The following GPC6 variants were observed in gnomAD, a reference collection of about 807,000 sequenced individuals.
GPC6 encodes glypican 6.
In GPC6, 14 loss-of-function variants were observed where a neutral mutation model predicts 55.2. That is an observed-to-expected ratio of 0.25 (90% confidence interval 0.17 to 0.40). The LOEUF is 0.40. Ranked by LOEUF, GPC6 falls within the 10% of genes least tolerant of loss-of-function variation. GPC6 has a pLI of 1.00. For synonymous variants in GPC6, 278 were observed against 259.6 expected, an observed-to-expected ratio of 1.07 and a Z score of -0.68; for missense variants, 641 against 708.5, an observed-to-expected ratio of 0.90 and a Z score of 1.08.
At chr13:93,474,330 G>A (rs1879228579) in intron 1 of GPC6, among the ~76,000 whole-genome samples, 1 of 152,134 alleles carries the variant, frequency 6.6e-6, no homozygotes, top group Non-Finnish European at 1.5e-5. Context: ...GTGCTGAATA[G>A]GATCAAGTCT....
At chr13:93,235,112 T>C (rs148109508) in intron 1 of GPC6, among the ~76,000 whole-genome samples, 153 of 152,298 alleles carry the variant, frequency 1.0e-3, no homozygotes, top group African/African-American at 3.6e-3. Flanking sequence ...GCTACTGACA[T>C]AGCATTGTTT....
chr13:93,741,579 C>T (rs1436669220), intron 2 of GPC6, among the ~76,000 whole-genome samples: 7 of 152,108 alleles, frequency 4.6e-5, no homozygotes, highest in Admixed American at 1.3e-4. Context: ...CTTCCTTAGA[C>T]GTAATATAGA....
At chr13:93,461,307 A>G (rs1047318900) in intron 1 of GPC6, among the ~76,000 whole-genome samples, 2 of 152,192 alleles carry the variant, frequency 1.3e-5, no homozygotes, top group Non-Finnish European at 2.9e-5. Flanking sequence ...TTATTTAGGA[A>G]TATGGTTTTC....
intron 3 of GPC6, among the ~76,000 whole-genome samples, chr13:93,908,559 A>G (rs191890781): frequency 6.6e-6 from 1 of 152,306 alleles, no homozygotes; most frequent in Admixed American, 6.5e-5. Flanking sequence ...AACAATGATG[A>G]TGACTTAGAT....
chr13:93,976,330 TTTG>T (rs1476918141), intron 3 of GPC6, among the ~76,000 whole-genome samples: 2 of 152,100 alleles, frequency 1.3e-5, no homozygotes, highest in African/African-American at 2.4e-5. Context: ...GACTTATTGG[TTTG>T]TTGTTGTTTA....
At chr13:94,370,972 T>A (rs930181940) in intron 6 of GPC6, among the ~76,000 whole-genome samples, 3 of 152,228 alleles carry the variant, frequency 2.0e-5, no homozygotes, top group Non-Finnish European at 4.4e-5. Flanking sequence ...GCTTGCTTTG[T>A]TTGAAATGAA....
At chr13:94,288,954 T>TAGATAGATAG (rs1193101187) in intron 5 of GPC6, among the ~76,000 whole-genome samples, 1 of 92,620 alleles carries the variant, frequency 1.1e-5, no homozygotes, top group Non-Finnish European at 2.2e-5. Flanking sequence ...TAGATAGATA[T>TAGATAGATAG]ATAGATAGAT....
intron 3 of GPC6, among the ~76,000 whole-genome samples, chr13:94,010,423 T>A (rs1882199039): frequency 6.6e-6 from 1 of 152,160 alleles, no homozygotes; most frequent in African/African-American, 2.4e-5. Context: ...AAAGTGGTAT[T>A]CCTTTAGAAG....
intron 4 of GPC6, among the ~76,000 whole-genome samples, chr13:94,200,736 C>A (rs1167552781): frequency 6.6e-6 from 1 of 152,280 alleles, no homozygotes; most frequent in Middle Eastern, 3.4e-3. Flanking sequence ...CTACAGCATT[C>A]TTTGTATAGG....
chr13:93,516,791 C>T (rs1317400537), intron 1 of GPC6, among the ~76,000 whole-genome samples: 2 of 152,036 alleles, frequency 1.3e-5, no homozygotes, highest in East Asian at 3.9e-4. Flanking sequence ...GCTTAGCTGC[C>T]TGTGGGCTCC....
Position 94,145,675 on chromosome 13 carries a change from C to A in GPC6, c.877+117781C>A, listed in dbSNP as rs111987749. ...TTCAGTAAACTGTTATGACGTGTTC[C>A]CATAAATGTGTGAACTTTTCCAAGT... On this transcript the variant is annotated intron_variant, in intron 4 of 8. Coordinates refer to ENST00000377047, the MANE Select transcript of GPC6 (RefSeq NM_005708.5). 3.2e-4 allele frequency among the ~76,000 whole-genome samples: 49 copies of A among 152,160 alleles called. 1 individual carries two copies. Among genetic ancestry groups the A allele is most frequent in the African/African-American group, 9.4e-4 (39 of 41,518 alleles).
chr13:93,952,554 G>C (rs1033791553), intron 3 of GPC6, among the ~76,000 whole-genome samples: 1 of 151,596 alleles, frequency 6.6e-6, no homozygotes, highest in Admixed American at 6.6e-5. Context: ...TTTTATTTTT[G>C]AACTCCAGCA....
chr13:93,589,710 C>T (rs1594291816), intron 2 of GPC6, among the ~76,000 whole-genome samples: 1 of 152,128 alleles, frequency 6.6e-6, no homozygotes, highest in Non-Finnish European at 1.5e-5. Flanking sequence ...CCATTTGACC[C>T]TTTGATTAGT....
intron 3 of GPC6, among the ~76,000 whole-genome samples, chr13:94,012,275 G>T (rs1166735554): frequency 6.6e-6 from 1 of 151,798 alleles, no homozygotes; most frequent in African/African-American, 2.4e-5. Flanking sequence ...CTCCTTCTTT[G>T]AGGCTTTTCA....
intron 4 of GPC6, among the ~76,000 whole-genome samples, chr13:94,113,182 A>G (rs1886311754): frequency 6.6e-6 from 1 of 152,094 alleles, no homozygotes. Context: ...TTAACCTAAG[A>G]TCTTTATAAA....
chr13:93,853,785 A>G (rs1428082463), intron 3 of GPC6, among the ~76,000 whole-genome samples: 1 of 151,688 alleles, frequency 6.6e-6, no homozygotes, highest in African/African-American at 2.4e-5. Flanking sequence ...AAAGGAAGAC[A>G]AGTTCATTTT....
chr13:94,046,793 C>A (rs1176119118), intron 4 of GPC6, among the ~76,000 whole-genome samples: 3 of 152,060 alleles, frequency 2.0e-5, no homozygotes, highest in Non-Finnish European at 4.4e-5. Context: ...CTCCACATGC[C>A]CTTGGGCAAG....
At chr13:93,616,845 A>G (rs1878745302) in intron 2 of GPC6, among the ~76,000 whole-genome samples, 1 of 152,122 alleles carries the variant, frequency 6.6e-6, no homozygotes, top group Non-Finnish European at 1.5e-5. Flanking sequence ...TTTTTGAATT[A>G]TAAGTAATGA....
chr13:93,532,178 A>G (rs959403721), intron 1 of GPC6, among the ~76,000 whole-genome samples: 1 of 152,200 alleles, frequency 6.6e-6, no homozygotes, highest in African/African-American at 2.4e-5. Context: ...TTTTGTCGTC[A>G]GCTCTGTAAT....
Sources: gnomAD v4.1 joint callset for allele counts (sites outside exome capture counted in the v4.1 genomes callset) on GRCh38, gnomAD v4.1.1 for gene constraint, MANE v1.5 for transcripts, NCBI Gene and HGNC (gene_info 2026-07-23, HGNC 2026-07-21) for gene names.